The following GPR137C variants were observed in gnomAD, a reference collection of about 807,000 sequenced individuals.
GPR137C encodes integral membrane protein GPR137C.
GPR137C carries 27 observed loss-of-function variants against 43.4 expected under a neutral mutation model. The ratio of observed to expected loss-of-function variants is 0.62; its 90% CI spans 0.46 to 0.86. The LOEUF is 0.86. Ranked by LOEUF, GPR137C falls within the 40% of genes least tolerant of loss-of-function variation. GPR137C has a pLI of 0.00. For missense variants in GPR137C, 522 were observed against 534.6 expected (o/e 0.98, Z 0.23); for synonymous variants, 285 against 226.9 (o/e 1.26, Z -2.30).
intron 3 of GPR137C, among the ~76,000 whole-genome samples, chr14:52,630,817 C>T (rs544324596): frequency 8.5e-4 from 129 of 152,180 alleles, no homozygotes; most frequent in African/African-American, 3.0e-3. Context: ...GTGTAATTGC[C>T]TTAATTGTAA....
intron 1 of GPR137C, among the ~76,000 whole-genome samples, chr14:52,564,120 C>A (rs113822630): frequency 2.0e-5 from 3 of 151,954 alleles, no homozygotes; most frequent in African/African-American, 7.2e-5. Context: ...CTAAAAAATA[C>A]AAAAATTAGC....
At chr14:52,561,722 A>G (rs189687883) in intron 1 of GPR137C, among the ~76,000 whole-genome samples, 5 of 152,322 alleles carry the variant, frequency 3.3e-5, no homozygotes, top group African/African-American at 1.2e-4. Context: ...AAGCCAGGGA[A>G]AGATGAGCTC....
chr14:52,630,172 T>G (rs2039278378), intron 3 of GPR137C, among the ~76,000 whole-genome samples: 1 of 152,206 alleles, frequency 6.6e-6, no homozygotes, highest in African/African-American at 2.4e-5. Flanking sequence ...GAGGTTGTTT[T>G]GTTTGTTGTA....
intron 1 of GPR137C, among the ~76,000 whole-genome samples, chr14:52,569,817 T>C (rs1366140722): frequency 6.6e-6 from 1 of 152,052 alleles, no homozygotes; most frequent in African/African-American, 2.4e-5. Context: ...TTATGTTTGA[T>C]TGGTGTGCCT....
At chr14:52,622,466 TTACAG>T (rs2039171786) in intron 3 of GPR137C, among the ~76,000 whole-genome samples, 1 of 152,094 alleles carries the variant, frequency 6.6e-6, no homozygotes, top group African/African-American at 2.4e-5. Flanking sequence ...GCTGTTAATC[TTACAG>T]TACAAGTATG....
intron 1 of GPR137C, among the ~76,000 whole-genome samples, chr14:52,594,019 G>A (rs1213231101): frequency 6.6e-6 from 1 of 152,130 alleles, no homozygotes; most frequent in African/African-American, 2.4e-5. Context: ...CAGAAATTCT[G>A]GTACGATGTG....
At chr14:52,614,296 C>T (rs1035140480) in intron 3 of GPR137C, among the ~76,000 whole-genome samples, 3 of 151,356 alleles carry the variant, frequency 2.0e-5, no homozygotes, top group African/African-American at 7.3e-5. Flanking sequence ...AATTTTTGTA[C>T]TTTCTGTAGA....
chr14:52,614,418 T>C (rs999436975), intron 3 of GPR137C, among the ~76,000 whole-genome samples: 1 of 152,118 alleles, frequency 6.6e-6, no homozygotes, highest in Non-Finnish European at 1.5e-5. Flanking sequence ...ATGAGCACTT[T>C]TTCATATTCT....
chr14:52,589,719 A>G (rs1384447163), intron 1 of GPR137C, among the ~76,000 whole-genome samples: 1 of 152,198 alleles, frequency 6.6e-6, no homozygotes, highest in African/African-American at 2.4e-5. Context: ...CACCCCACAT[A>G]CAACAGTGGT....
intron 3 of GPR137C, among the ~76,000 whole-genome samples, chr14:52,628,297 T>C (rs1465486060): frequency 6.6e-6 from 1 of 152,072 alleles, no homozygotes; most frequent in African/African-American, 2.4e-5. Context: ...CAACTCGATA[T>C]CCATATGGAA....
intron 3 of GPR137C, among the ~76,000 whole-genome samples, chr14:52,615,824 A>AT (rs1258917801): frequency 2.0e-5 from 3 of 152,242 alleles, no homozygotes; most frequent in African/African-American, 7.2e-5. Flanking sequence ...GTATCCTGCT[A>AT]TTTTTTAATT....
intron 1 of GPR137C, among the ~76,000 whole-genome samples, chr14:52,556,672 G>C (rs1231973506): frequency 6.6e-6 from 1 of 152,010 alleles, no homozygotes; most frequent in African/African-American, 2.4e-5. Context: ...CAGACTATCT[G>C]ATAAAACTGA....
At chr14:52,569,305 A>T (rs1202107032) in intron 1 of GPR137C, among the ~76,000 whole-genome samples, 2 of 152,138 alleles carry the variant, frequency 1.3e-5, no homozygotes, top group Non-Finnish European at 2.9e-5. Context: ...GTCAAAGACC[A>T]AAGGTAGGTA....
At chr14:52,622,089 A>G (rs1299479029) in intron 3 of GPR137C, among the ~76,000 whole-genome samples, 1 of 151,984 alleles carries the variant, frequency 6.6e-6, no homozygotes, top group Non-Finnish European at 1.5e-5. Context: ...CTATTGTGGT[A>G]TGTTGTTTAG....
At chr14:52,611,001 T>G (rs1289900504) in intron 3 of GPR137C, among the ~76,000 whole-genome samples, 69 of 152,190 alleles carry the variant, frequency 4.5e-4, no homozygotes, top group Non-Finnish European at 2.9e-5. Flanking sequence ...TTAATAACAT[T>G]ATTTCACATA....
chr14:52,594,661 A>G (rs2038829128), intron 1 of GPR137C, among the ~76,000 whole-genome samples: 1 of 151,252 alleles, frequency 6.6e-6, no homozygotes, highest in Non-Finnish European at 1.5e-5. Flanking sequence ...TTTGCTTTCC[A>G]TTTGCTTGGT....
chr14:52,629,212 A>G (rs1004379478), intron 3 of GPR137C, among the ~76,000 whole-genome samples: 41 of 152,290 alleles, frequency 2.7e-4, no homozygotes, highest in African/African-American at 5.5e-4. Flanking sequence ...AGATTTGTCA[A>G]TTTCTTACAC....
intron 3 of GPR137C, among the ~76,000 whole-genome samples, chr14:52,620,395 C>A (rs1054027512): frequency 6.6e-6 from 1 of 151,992 alleles, no homozygotes; most frequent in African/African-American, 2.4e-5. Context: ...AGCTGACCAA[C>A]GTATGGGGGA....
intron 1 of GPR137C, among the ~76,000 whole-genome samples, chr14:52,580,701 C>T (rs974148921): frequency 2.0e-5 from 3 of 150,644 alleles, no homozygotes. Flanking sequence ...TATTAAGACC[C>T]TAAGAGAGAT....
Sources: gnomAD v4.1 joint callset for allele counts (sites outside exome capture counted in the v4.1 genomes callset) on GRCh38, gnomAD v4.1.1 for gene constraint, MANE v1.5 for transcripts, NCBI Gene and HGNC (gene_info 2026-07-23, HGNC 2026-07-21) for gene names.